The following RNF24 variants were observed in gnomAD, a reference collection of about 807,000 sequenced individuals.
The protein encoded by RNF24 is ring finger protein 24.
A neutral mutation model predicts 20.0 loss-of-function variants in RNF24; 14 were observed. That is an observed-to-expected ratio of 0.70 (90% CI 0.46 to 1.10). The LOEUF (loss-of-function observed/expected upper bound fraction) is 1.10. Ranked by LOEUF, RNF24 falls within the 50% of genes least tolerant of loss-of-function variation. The pLI is 0.00. For synonymous variants in RNF24, 45 were observed against 61.1 expected, an observed-to-expected ratio of 0.74 and a Z score of 1.23; for missense variants, 124 against 177.6, an observed-to-expected ratio of 0.70 and a Z score of 1.71.
chr20:3,972,770 G>A (rs1199340118), intron 1 of RNF24, among the ~76,000 whole-genome samples: 1 of 151,928 alleles, frequency 6.6e-6, no homozygotes, highest in Non-Finnish European at 1.5e-5. Flanking sequence ...GGGCGTGGTG[G>A]CACGCACCTG....
At chr20:3,967,223 T>C (rs1425139967) in intron 1 of RNF24, among the ~76,000 whole-genome samples, 1 of 152,212 alleles carries the variant, frequency 6.6e-6, no homozygotes, top group Non-Finnish European at 1.5e-5. Flanking sequence ...GTAATATGCA[T>C]TCTTTGCTAT....
intron 1 of RNF24, among the ~76,000 whole-genome samples, chr20:3,964,366 C>T (rs1031349250): frequency 1.3e-5 from 2 of 152,172 alleles, no homozygotes; most frequent in East Asian, 1.9e-4. Context: ...TAAGATTCTT[C>T]AAACTCTTTA....
At chr20:3,963,290 TC>T (rs2091222767) in intron 2 of RNF24, among the ~76,000 whole-genome samples, 1 of 152,198 alleles carries the variant, frequency 6.6e-6, no homozygotes, top group Non-Finnish European at 1.5e-5. Context: ...CCTCCTGGGT[TC>T]CAGTGATTTT....
chr20:3,935,123 C>G (rs1439098438), intron 4 of RNF24, 50 bp from the exon 5 acceptor site: 2 of 1,534,236 alleles, frequency 1.3e-6, no homozygotes, highest in Non-Finnish European at 1.8e-6. Context: ...AGTACCCTCC[C>G]AGGTACAAAG....
chr20:3,945,530 C>T (rs1014017823), intron 3 of RNF24, among the ~76,000 whole-genome samples: 1 of 152,050 alleles, frequency 6.6e-6, no homozygotes, highest in Non-Finnish European at 1.5e-5. Flanking sequence ...GCCTGGTCAA[C>T]ATAGTGAAAC....
intron 1 of RNF24, among the ~76,000 whole-genome samples, chr20:3,986,775 A>T (rs1356114675): frequency 6.6e-6 from 1 of 151,798 alleles, no homozygotes; most frequent in Non-Finnish European, 1.5e-5. Context: ...TAGCCTCCCA[A>T]GTAGCTGGGA....
Position 3,983,958 on chromosome 20 carries a change from A to C in RNF24, c.-7-19934T>G, listed in dbSNP as rs1226195939. On this transcript the variant is annotated intron_variant, in intron 1 of 5. Transcript: ENST00000358395. ...TTGGTCTCAAAAAAAAAAAAAAAAA[A>C]AAAAAAACAAGTGAAAAAGTCTGGG... is the stretch of plus-strand genomic sequence containing the variant. Among the ~76,000 whole-genome samples the C allele has an allele frequency of 3.3e-5, 5 of 151,372 alleles. No individual in the cohort carries two copies. The South Asian group carries it at 8.3e-4, about 25-fold the overall frequency.
At chr20:3,937,870 C>T (rs241616) in intron 4 of RNF24, among the ~76,000 whole-genome samples, 48,258 of 151,976 alleles carry the variant, frequency 0.32, 8,312 homozygotes, top group African/African-American at 0.46. Context: ...TGATGGCCAC[C>T]TGGGTTGTTT....
intron 4 of RNF24, among the ~76,000 whole-genome samples, chr20:3,938,209 A>G (rs1470032375): frequency 3.3e-5 from 5 of 152,194 alleles, no homozygotes; most frequent in Admixed American, 2.6e-4. Context: ...TGACCACCAC[A>G]TATCTTCTTT....
intron 1 of RNF24, 119 bp from the exon 2 acceptor site, chr20:3,964,143 GTGT>G: frequency 2.8e-6 from 2 of 725,084 alleles, no homozygotes; most frequent in Non-Finnish European, 4.3e-6. Context: ...GGTAGACAAA[GTGT>G]TAATATTCTT....
intron 4 of RNF24, among the ~76,000 whole-genome samples, chr20:3,944,876 C>T (rs2090998678): frequency 6.6e-6 from 1 of 152,182 alleles, no homozygotes; most frequent in Admixed American, 6.5e-5. Flanking sequence ...AGTACATACT[C>T]ACCTTGAGTA....
intron 2 of RNF24, among the ~76,000 whole-genome samples, chr20:3,954,496 T>TTTATA (rs1473966675): frequency 6.6e-6 from 1 of 152,244 alleles, no homozygotes; most frequent in Admixed American, 6.5e-5. Flanking sequence ...ATTTGGGTTG[T>TTTATA]TTATACCTTT....
At chr20:3,946,164 G>A (rs984985471) in intron 3 of RNF24, among the ~76,000 whole-genome samples, 1 of 152,124 alleles carries the variant, frequency 6.6e-6, no homozygotes, top group African/African-American at 2.4e-5. Context: ...TATCTTGTAA[G>A]CTGTCAAGAT....
intron 1 of RNF24, among the ~76,000 whole-genome samples, chr20:3,979,631 C>T (rs1174493516): frequency 3.3e-5 from 5 of 152,030 alleles, no homozygotes; most frequent in South Asian, 2.1e-4. Flanking sequence ...GCAGAGATTA[C>T]GCCATTGCAC....
intron 3 of RNF24, among the ~76,000 whole-genome samples, chr20:3,947,357 T>C (rs2091031335): frequency 6.6e-6 from 1 of 152,236 alleles, no homozygotes; most frequent in East Asian, 1.9e-4. Flanking sequence ...AAGGAAAATC[T>C]AGGCCCCCTG....
intron 2 of RNF24, among the ~76,000 whole-genome samples, chr20:3,953,941 G>C (rs1166785421): frequency 6.7e-6 from 1 of 149,308 alleles, no homozygotes; most frequent in African/African-American, 2.5e-5. Flanking sequence ...ATTTTTAGTA[G>C]AGATGGGGTT....
chr20:3,987,508 T>C (rs1485175442), intron 1 of RNF24, among the ~76,000 whole-genome samples: 1 of 152,102 alleles, frequency 6.6e-6, no homozygotes, highest in African/African-American at 2.4e-5. Flanking sequence ...TGTTTAATTT[T>C]AAATCTCTCT....
At chr20:4,003,184 T>G (rs1981558565) in intron 1 of RNF24, among the ~76,000 whole-genome samples, 1 of 152,200 alleles carries the variant, frequency 6.6e-6, no homozygotes, top group Non-Finnish European at 1.5e-5. Context: ...TGGGACAGGC[T>G]GGTCTTGAAC....
chr20:3,993,629 G>C (rs1464276289), intron 1 of RNF24, among the ~76,000 whole-genome samples: 1 of 152,112 alleles, frequency 6.6e-6, no homozygotes, highest in Non-Finnish European at 1.5e-5. Context: ...ATGAGAACCT[G>C]CTGCCTTCCA....
Sources: gnomAD v4.1 joint callset for allele counts (sites outside exome capture counted in the v4.1 genomes callset) on GRCh38, gnomAD v4.1.1 for gene constraint, MANE v1.5 for transcripts, NCBI Gene and HGNC (gene_info 2026-07-23, HGNC 2026-07-21) for gene names.